The following MTF1 variants were observed in gnomAD, a reference collection of about 807,000 sequenced individuals.
MTF1 encodes the protein metal regulatory transcription factor 1.
MTF1 carries 22 observed loss-of-function variants against 70.4 expected under a neutral mutation model. The observed-to-expected ratio is 0.31, with a 90% confidence interval of 0.22 to 0.45. The LOEUF (loss-of-function observed/expected upper bound fraction) is 0.45. Ranked by LOEUF, MTF1 falls within the 20% of genes least tolerant of loss-of-function variation. MTF1 has a pLI of 1.00. For missense variants in MTF1, 649 were observed against 922.0 expected (o/e 0.70, Z 3.83); for synonymous variants, 333 against 352.8 (o/e 0.94, Z 0.63).
chr1:37,815,631 G>T lies in MTF1; in HGVS notation c.1832-65C>A. The T allele has an allele frequency of 3.1e-6, 4 of 1,299,078 alleles. No homozygotes were observed. Among genetic ancestry groups the T allele is most frequent in the Non-Finnish European group, 4.3e-6 (4 of 938,514 alleles). The allele number at this position is 1,299,078 out of a possible 1,614,324, so 80.5% of individuals were successfully genotyped here. On this transcript the variant is annotated intron_variant, in intron 10 of 10. Coordinates refer to ENST00000373036, the MANE Select transcript of MTF1 (RefSeq NM_005955.3). The surrounding 1 kb of genome is among the most constrained non-coding windows in gnomAD (Gnocchi z 4.5). ...CAGGGGCAGGAGCATGAGGGACAGG[G>T]ATACATGGACTAGGTGAGAGCAGAG...
chr1:37,836,849 G>T (rs1641177326), intron 4 of MTF1, among the ~76,000 whole-genome samples: 2 of 148,256 alleles, frequency 1.3e-5, no homozygotes, highest in African/African-American at 4.9e-5. Context: ...AAGTCTCATT[G>T]AATATTCAAG....
intron 7 of MTF1, among the ~76,000 whole-genome samples, chr1:37,830,052 C>CA: frequency 6.6e-6 from 1 of 152,230 alleles, no homozygotes; most frequent in South Asian, 2.1e-4. Context: ...GCTCGTTAGT[C>CA]ATATGTCATA....
At chr1:37,844,205 C>A (rs1641298929) in intron 2 of MTF1, among the ~76,000 whole-genome samples, 1 of 152,188 alleles carries the variant, frequency 6.6e-6, no homozygotes, top group Non-Finnish European at 1.5e-5. Context: ...CAGTAAGCAG[C>A]CAAACAGAAG....
intron 7 of MTF1, among the ~76,000 whole-genome samples, chr1:37,829,462 G>C (rs1207126182): frequency 6.7e-6 from 1 of 150,114 alleles, no homozygotes; most frequent in Non-Finnish European, 1.5e-5. Flanking sequence ...CACTGCACAT[G>C]TCCCTAATTT....
chr1:37,836,032 C>T (rs1641164632), intron 4 of MTF1, among the ~76,000 whole-genome samples: 1 of 152,162 alleles, frequency 6.6e-6, no homozygotes, highest in African/African-American at 2.4e-5. Flanking sequence ...GATCTCCTGA[C>T]CTTGTGATCC....
intron 2 of MTF1, among the ~76,000 whole-genome samples, chr1:37,847,773 C>T (rs1221455985): frequency 6.6e-6 from 1 of 151,966 alleles, no homozygotes; most frequent in African/African-American, 2.4e-5. Context: ...AGGTGGGAGG[C>T]TCACTTGAGC....
At chr1:37,817,591 T>TA in intron 9 of MTF1, 109 bp from the exon 10 acceptor site, 1 of 782,094 alleles carries the variant, frequency 1.3e-6, no homozygotes, top group Non-Finnish European at 2.2e-6. Flanking sequence ...AGAAAACCCT[T>TA]AGTGTTCAGG....
At chr1:37,826,808 G>A (rs541268665) in intron 7 of MTF1, among the ~76,000 whole-genome samples, 2 of 152,118 alleles carry the variant, frequency 1.3e-5, no homozygotes, top group South Asian at 2.1e-4. Context: ...GTGAAACCCC[G>A]TCTCTACCAA....
In MTF1 at chr1:37,814,154, A is replaced by C. The variant is rs1309901065; in HGVS notation, c.*982T>G. 1 of 152,604 alleles carries C rather than the reference A, an allele frequency of 6.6e-6. No individual in the cohort carries two copies. Among genetic ancestry groups the C allele is most frequent in the Admixed American group, 6.5e-5 (1 of 15,282 alleles). The allele number at this position is 152,604 out of a possible 1,614,324, so 9.5% of individuals were successfully genotyped here. ...TGGAACCAGGACACCTGGCCTGCCAATTACATGCCACCTCATATGAATTCC... is the reference window on the plus strand; with the variant it reads ...TGGAACCAGGACACCTGGCCTGCCACTTACATGCCACCTCATATGAATTCC... On this transcript the variant is annotated 3_prime_UTR_variant, in exon 11 of 11. Coordinates refer to ENST00000373036, the MANE Select transcript of MTF1 (RefSeq NM_005955.3).
At chr1:37,819,121 G>A (rs1640869750) in intron 9 of MTF1, among the ~76,000 whole-genome samples, 1 of 152,198 alleles carries the variant, frequency 6.6e-6, no homozygotes, top group African/African-American at 2.4e-5. Context: ...CCCTCCAGAT[G>A]TGGCCTCTCA....
chr1:37,841,049 T>C, intron 2 of MTF1: 1 of 208,838 alleles, frequency 4.8e-6, no homozygotes, highest in South Asian at 7.1e-5. Flanking sequence ...GGAGAAGGTC[T>C]AGCTCTTCTC....
chr1:37,838,189 C>T (rs890297170), intron 4 of MTF1, among the ~76,000 whole-genome samples: 4 of 152,176 alleles, frequency 2.6e-5, no homozygotes, highest in African/African-American at 4.8e-5. Flanking sequence ...CATTCCCTCC[C>T]TCCTTGATTC....
At chr1:37,839,877 G>T in intron 3 of MTF1, 43 bp downstream of exon 3, 1 of 1,499,252 alleles carries the variant, frequency 6.7e-7, no homozygotes, top group Non-Finnish European at 9.3e-7. Flanking sequence ...ATCACAACAA[G>T]GTCAAGGTCA....
rs746030971 is a variant in MTF1, at chr1:37,815,570, C to T, written c.1832-4G>A. On this transcript the variant is annotated splice_polypyrimidine_tract_variant and splice_region_variant and intron_variant, in intron 10 of 10. Coordinates refer to ENST00000373036, the MANE Select transcript of MTF1 (RefSeq NM_005955.3). The surrounding 1 kb of genome is among the most constrained non-coding windows in gnomAD (Gnocchi z 4.5). The stretch of plus-strand genomic sequence containing the variant: ...CCAATCTGCTGGACAGAGCTCCCTG[C>T]GAGAGAGGCAAGAGAGACTGCTCTT... 5.3e-6 allele frequency: 8 copies of T among 1,523,372 alleles called. No homozygotes were observed. In the South Asian group the frequency reaches 5.3e-5, roughly 10 times the overall value. The allele number at this position is 1,523,372 out of a possible 1,614,324, so 94.4% of individuals were successfully genotyped here. A position where few individuals can be genotyped will look rare whatever the true frequency, so the allele number is the denominator to read the frequency against.
chr1:37,826,809 T>C (rs1165652367), intron 7 of MTF1, among the ~76,000 whole-genome samples: 2 of 152,032 alleles, frequency 1.3e-5, no homozygotes, highest in Admixed American at 1.3e-4. Context: ...TGAAACCCCG[T>C]CTCTACCAAA....
chr1:37,835,319 T>C, intron 5 of MTF1, 104 bp from the exon 6 acceptor site: 1 of 1,007,446 alleles, frequency 9.9e-7, no homozygotes, highest in East Asian at 2.4e-5. Context: ...TTAAGAGAGT[T>C]TGGGTAACAG....
intron 2 of MTF1, among the ~76,000 whole-genome samples, chr1:37,850,263 A>G (rs1422897579): frequency 8.2e-6 from 1 of 121,840 alleles, no homozygotes. Context: ...AAAAAAAAAA[A>G]GCTTTTGTTT....
In MTF1 at chr1:37,850,566, A is replaced by AGAG. The variant is rs1557598730; in HGVS notation, c.408+6684_408+6685insCTC. Among the ~76,000 whole-genome samples, 499 of 146,626 alleles carry AGAG rather than the reference A, an allele frequency of 3.4e-3. 1 individual carries two copies. Among genetic ancestry groups the AGAG allele is most frequent in the African/African-American group, 0.012 (471 of 39,286 alleles). On this transcript the variant is annotated intron_variant, in intron 2 of 10. Transcript: ENST00000373036. Reference sequence around the variant, plus strand: ...GAAAGAGAAAAAAAAGGGAGAGAGAAAGAGAGAGAGAGAGAGAGAGAGATC... The same window carrying AGAG: ...GAAAGAGAAAAAAAAGGGAGAGAGAAGAGAGAGAGAGAGAGAGAGAGAGAGATC...
chr1:37,849,659 T>C (rs1045351939), intron 2 of MTF1, among the ~76,000 whole-genome samples: 1 of 152,042 alleles, frequency 6.6e-6, no homozygotes, highest in Non-Finnish European at 1.5e-5. Flanking sequence ...GATGAACAGG[T>C]AACTAGACCG....
Sources: allele counts gnomAD v4.1 joint callset (sites outside exome capture counted in the v4.1 genomes callset), GRCh38; gene constraint gnomAD v4.1.1; non-coding constraint Gnocchi (gnomAD v3.1); transcripts MANE v1.5; gene names NCBI Gene and HGNC (gene_info 2026-07-23, HGNC 2026-07-21).